SRPK2: variants seen among roughly 807,000 people sequenced by gnomAD.
The protein encoded by SRPK2 is SRSF protein kinase 2.
Under a neutral mutation model 90.8 loss-of-function variants are expected in SRPK2, and 21 were observed. The observed-to-expected ratio is 0.23, with a 90% CI of 0.16 to 0.33. The LOEUF is 0.33. SRPK2 is among the 10% of genes least tolerant of loss of function. The pLI is 1.00. For missense variants in SRPK2, 620 were observed against 869.0 expected (o/e 0.71, Z 3.60); for synonymous variants, 288 against 311.1 (o/e 0.93, Z 0.78).
chr7:105,116,189 A>G (rs978292995), downstream of SRPK2, among the ~76,000 whole-genome samples: 25 of 152,182 alleles, frequency 1.6e-4, no homozygotes, highest in African/African-American at 4.3e-4. Flanking sequence ...TCTATACTGT[A>G]GCTTTTCTCC....
At chr7:105,293,245 C>T (rs1809305128) in intron 2 of SRPK2, among the ~76,000 whole-genome samples, 1 of 151,350 alleles carries the variant, frequency 6.6e-6, no homozygotes, top group African/African-American at 2.4e-5. Context: ...TTGTAGTGAT[C>T]GCACCACTGC....
At chr7:105,245,543 T>C (rs1801530399) in intron 2 of SRPK2, among the ~76,000 whole-genome samples, 1 of 151,986 alleles carries the variant, frequency 6.6e-6, no homozygotes, top group Admixed American at 6.6e-5. Context: ...GTGAACAATA[T>C]TTGAGGGCAA....
At chr7:105,203,969 CA>C (rs34581245) in intron 2 of SRPK2, among the ~76,000 whole-genome samples, 184 bp from the exon 3 acceptor site, 119,566 of 146,504 alleles carry the variant, frequency 0.82, 48,945 homozygotes, top group Non-Finnish European at 0.87. Flanking sequence ...TAAGTCAGGC[CA>C]AAAAAAAAAA....
chr7:105,230,166 C>T (rs1799246407), intron 2 of SRPK2, among the ~76,000 whole-genome samples: 1 of 152,138 alleles, frequency 6.6e-6, no homozygotes, highest in African/African-American at 2.4e-5. Context: ...GGGCCCAAAA[C>T]CACAGAGTCC....
intron 7 of SRPK2, among the ~76,000 whole-genome samples, chr7:105,152,763 C>T (rs372989059): frequency 3.3e-5 from 5 of 152,056 alleles, no homozygotes; most frequent in South Asian, 2.1e-4. Context: ...CGGCTGGGCG[C>T]GGTGACTCAC....
rs779461476 is a variant in SRPK2, at chr7:105,388,764, G to A, written c.16+27C>T. The A allele has an allele frequency of 4.6e-6, 7 of 1,533,246 alleles. No homozygotes were observed. In the South Asian group the frequency reaches 4.8e-5, roughly 10 times the overall value. The allele number at this position is 1,533,246 out of a possible 1,614,324, so 95.0% of individuals were successfully genotyped here. On this transcript the variant is annotated intron_variant, in intron 1 of 15. Coordinates refer to ENST00000393651, the MANE Select transcript of SRPK2 (RefSeq NM_182692.3). ...CCCGCCCGGGCTGGCCGCGTGGCGG[G>A]GAGAGGGCGCGCCGCGGGCCACTCA... is the stretch of plus-strand genomic sequence containing the variant.
intron 2 of SRPK2, among the ~76,000 whole-genome samples, chr7:105,298,134 A>G (rs1446664171): frequency 6.6e-6 from 1 of 152,172 alleles, no homozygotes; most frequent in Admixed American, 6.5e-5. Flanking sequence ...CAAAATATAG[A>G]AGAGTTCCAA....
At chr7:105,230,551 C>A (rs1167671192) in intron 2 of SRPK2, among the ~76,000 whole-genome samples, 4 of 152,196 alleles carry the variant, frequency 2.6e-5, no homozygotes, top group Non-Finnish European at 4.4e-5. Context: ...AAAAGATTTA[C>A]CCAGAGACCA....
chr7:105,272,232 CTGATTAT>C (rs1295113503), intron 2 of SRPK2, among the ~76,000 whole-genome samples: 2 of 152,184 alleles, frequency 1.3e-5, no homozygotes, highest in African/African-American at 4.8e-5. Context: ...GTCCATCAAC[CTGATTAT>C]TTAACAGTTG....
intron 2 of SRPK2, among the ~76,000 whole-genome samples, chr7:105,347,850 C>T (rs1055022103): frequency 2.0e-5 from 3 of 149,620 alleles, no homozygotes; most frequent in Non-Finnish European, 3.0e-5. Context: ...GGGCGAGACT[C>T]CGTCTCAAAA....
chr7:105,256,118 A>G (rs901656295), intron 2 of SRPK2, among the ~76,000 whole-genome samples: 1 of 152,188 alleles, frequency 6.6e-6, no homozygotes, highest in African/African-American at 2.4e-5. Flanking sequence ...GAGCATCAAG[A>G]TAATTTTACT....
chr7:105,170,520 C>T (rs1484165437), intron 3 of SRPK2, among the ~76,000 whole-genome samples: 2 of 151,632 alleles, frequency 1.3e-5, no homozygotes, highest in Non-Finnish European at 2.9e-5. Flanking sequence ...CGGTGAAACC[C>T]CATCTCTACT....
intron 2 of SRPK2, among the ~76,000 whole-genome samples, chr7:105,376,274 G>A (rs960547014): frequency 6.6e-6 from 1 of 151,656 alleles, no homozygotes; most frequent in Non-Finnish European, 1.5e-5. Flanking sequence ...TGGGATTACA[G>A]GCACAAATCA....
At chr7:105,325,666 A>G (rs1393161246) in intron 2 of SRPK2, among the ~76,000 whole-genome samples, 1 of 151,990 alleles carries the variant, frequency 6.6e-6, no homozygotes, top group Admixed American at 6.6e-5. Context: ...AAGACAACAT[A>G]GCGAGACCTC....
intron 8 of SRPK2, 61 bp downstream of exon 8, chr7:105,146,432 C>T (rs867943630): frequency 1.3e-6 from 2 of 1,563,622 alleles, no homozygotes; most frequent in Non-Finnish European, 8.7e-7. Context: ...CCTTCAACAA[C>T]TGCAACTTTG....
At chr7:105,264,730 T>C (rs990410579) in intron 2 of SRPK2, among the ~76,000 whole-genome samples, 4 of 152,348 alleles carry the variant, frequency 2.6e-5, no homozygotes, top group African/African-American at 9.6e-5. Context: ...CAAACCTATA[T>C]AGCACTGTTG....
intron 11 of SRPK2, among the ~76,000 whole-genome samples, chr7:105,135,347 G>A (rs371881921): frequency 6.6e-5 from 10 of 152,200 alleles, no homozygotes; most frequent in African/African-American, 9.6e-5. Context: ...GCATCTGGGC[G>A]CCTGGCCAGA....
intron 2 of SRPK2, among the ~76,000 whole-genome samples, chr7:105,223,910 A>G (rs894623472): frequency 1.3e-5 from 2 of 152,234 alleles, no homozygotes; most frequent in Non-Finnish European, 2.9e-5. Context: ...GTTACACAAA[A>G]TAACATATAA....
intron 2 of SRPK2, among the ~76,000 whole-genome samples, chr7:105,364,678 A>G (rs1818832224): frequency 6.6e-6 from 1 of 152,100 alleles, no homozygotes; most frequent in South Asian, 2.1e-4. Flanking sequence ...CTGGGGTTAC[A>G]GGGGAGAGCC....
Sources: allele counts gnomAD v4.1 joint callset (sites outside exome capture counted in the v4.1 genomes callset), GRCh38; gene constraint gnomAD v4.1.1; transcripts MANE v1.5; gene names NCBI Gene and HGNC (gene_info 2026-07-23, HGNC 2026-07-21).